The following TPPP variants were observed in gnomAD, a reference collection of about 807,000 sequenced individuals.
The protein encoded by TPPP is tubulin polymerization promoting protein, also known as tubulin polymerization-promoting protein.
Under a neutral mutation model 15.5 loss-of-function variants are expected in TPPP, and 6 were observed. The observed-to-expected ratio is 0.39, with a 90% CI of 0.21 to 0.77. TPPP has a LOEUF of 0.77. Ranked by LOEUF, TPPP falls within the 30% of genes least tolerant of loss-of-function variation. The pLI, the probability that TPPP is intolerant of heterozygous loss-of-function variation, is 0.42. For synonymous variants in TPPP, 146 were observed against 133.9 expected (o/e 1.09, Z -0.63); for missense variants, 269 against 307.2 (o/e 0.88, Z 0.93).
intron 2 of TPPP, among the ~76,000 whole-genome samples, chr5:669,129 G>A (rs1740086563): frequency 6.6e-6 from 1 of 152,224 alleles, no homozygotes; most frequent in South Asian, 2.1e-4. Flanking sequence ...GGAGGGGAGC[G>A]GAGGCCTCGC....
the TPPP span, among the ~76,000 whole-genome samples, chr5:699,919 G>A: frequency 6.6e-6 from 1 of 151,686 alleles, no homozygotes; most frequent in African/African-American, 2.4e-5. Flanking sequence ...AAGTCAGAAT[G>A]GCTATTATTA....
the TPPP span, among the ~76,000 whole-genome samples, chr5:699,971 G>C: frequency 3.3e-5 from 5 of 151,936 alleles, no homozygotes; most frequent in Admixed American, 3.3e-4. Flanking sequence ...GTGGAGAAAG[G>C]GGAATGCTGA....
intron 2 of TPPP, among the ~76,000 whole-genome samples, chr5:667,371 C>T (rs1739963675): frequency 6.6e-6 from 1 of 152,154 alleles, no homozygotes; most frequent in African/African-American, 2.4e-5. Flanking sequence ...GATCCCTGTG[C>T]AAATTAAAAT....
At chr5:696,533 C>T (rs1741014683), upstream of TPPP, among the ~76,000 whole-genome samples, 1 of 144,464 alleles carries the variant, frequency 6.9e-6, no homozygotes, top group African/African-American at 2.5e-5. Context: ...AGAACCCTAA[C>T]CAGCTCCTGT....
rs535475384 is a variant in TPPP at position 679,286 on chromosome 5, A to G, written c.-4-1222T>C. ...GGGCACTCCCTCCACTGAGGACCTT[A>G]AGGGCCTCAGGCCCCACCCACTCAC... On this transcript the variant is annotated intron_variant, in intron 1 of 3. Coordinates refer to ENST00000360578, the MANE Select transcript of TPPP (RefSeq NM_007030.3). Among the ~76,000 whole-genome samples, 4 of 152,224 alleles carry G rather than the reference A, an allele frequency of 2.6e-5. No homozygotes were observed. The East Asian group carries it at 5.8e-4, about 22-fold the overall frequency.
In TPPP at chr5:686,946, C is replaced by T. The variant is rs548577738; in HGVS notation, c.-5+6332G>A. 9.9e-4 allele frequency among the ~76,000 whole-genome samples: 141 copies of T among 142,852 alleles called. 14 individuals carry two copies. Among genetic ancestry groups the T allele is most frequent in the South Asian group, 1.7e-3 (7 of 4,238 alleles). 93.7% of individuals were successfully genotyped at this position (142,852 alleles called of 152,430 possible). A position where few individuals can be genotyped will look rare whatever the true frequency, so the allele number is the denominator to read the frequency against. ...CTTGGAAGCAGGGAAGGGCCCTTGTCGGACGCCAAGCCTGCAGGTGCCTTG... is the reference window on the plus strand; with the variant it reads ...CTTGGAAGCAGGGAAGGGCCCTTGTTGGACGCCAAGCCTGCAGGTGCCTTG... On this transcript the variant is annotated intron_variant, in intron 1 of 3. Coordinates refer to ENST00000360578, the MANE Select transcript of TPPP (RefSeq NM_007030.3).
At chr5:674,025 C>T (rs1356490556) in intron 2 of TPPP, among the ~76,000 whole-genome samples, 2 of 152,248 alleles carry the variant, frequency 1.3e-5, no homozygotes, top group South Asian at 2.1e-4. Flanking sequence ...TCACAGCCGG[C>T]ACTGCACTTG....
intron 1 of TPPP, among the ~76,000 whole-genome samples, chr5:686,023 G>T (rs1216686501): frequency 6.6e-6 from 1 of 152,234 alleles, no homozygotes; most frequent in Non-Finnish European, 1.5e-5. Flanking sequence ...CCCGGACTCT[G>T]CAAAGGACGC....
At chr5:698,946 T>G in the TPPP span, among the ~76,000 whole-genome samples, 1 of 151,940 alleles carries the variant, frequency 6.6e-6, no homozygotes, top group East Asian at 1.9e-4. Context: ...TACCTAGATA[T>G]ATATTTAACC....
At chr5:694,449 A>C (rs2126919472), upstream of TPPP, among the ~76,000 whole-genome samples, 1 of 125,036 alleles carries the variant, frequency 8.0e-6, no homozygotes, top group Middle Eastern at 4.4e-3. Context: ...GGTGTCCAGC[A>C]GGCCCTGGAA....
chr5:674,096 C>G (rs1740320499), intron 2 of TPPP, among the ~76,000 whole-genome samples: 1 of 152,264 alleles, frequency 6.6e-6, no homozygotes, highest in Non-Finnish European at 1.5e-5. Flanking sequence ...GCTGACGGCC[C>G]CTGGACAGGC....
rs1739630330 is a variant in TPPP at position 661,948 on chromosome 5, AGT to A, written c.*3152_*3153del. 1 of 152,328 alleles carries A rather than the reference AGT, an allele frequency of 6.6e-6. No homozygotes were observed. The highest frequency in any genetic ancestry group is 6.5e-5 in the Admixed American group (1 of 15,278). The allele number at this position is 152,328 out of a possible 1,614,324, so 9.4% of individuals were successfully genotyped here. ...CTAACTCGTGGGCACCAACCCTGGA[AGT>A]GTGGAGGGAGAGTGGGGGCGTGGGG... On this transcript the variant is annotated 3_prime_UTR_variant, in exon 4 of 4. Transcript: ENST00000360578.
At chr5:686,449 G>A (rs1162419364) in intron 1 of TPPP, among the ~76,000 whole-genome samples, 11 of 151,806 alleles carry the variant, frequency 7.2e-5, no homozygotes, top group African/African-American at 2.7e-4. Flanking sequence ...ATCCAGCGCA[G>A]CTTCACTGAG....
chr5:678,639 G>A (rs1455518663), intron 1 of TPPP, among the ~76,000 whole-genome samples: 2 of 138,528 alleles, frequency 1.4e-5, no homozygotes, highest in Non-Finnish European at 3.0e-5. Context: ...AGGGTGCGTG[G>A]TGGCCCTGGG....
chr5:696,507 C>A (rs1741014172), upstream of TPPP, among the ~76,000 whole-genome samples: 1 of 145,878 alleles, frequency 6.9e-6, no homozygotes, highest in Non-Finnish European at 1.5e-5. Flanking sequence ...AGCAGGTGAG[C>A]AGTCAGGGCC....
intron 1 of TPPP, among the ~76,000 whole-genome samples, chr5:687,164 A>C (rs1289610904): frequency 7.2e-6 from 1 of 139,698 alleles, no homozygotes; most frequent in South Asian, 2.3e-4. Flanking sequence ...CGTCCCACCA[A>C]GCCTCCAGAG....
intron 2 of TPPP, among the ~76,000 whole-genome samples, chr5:677,086 G>T (rs1460896317): frequency 6.6e-6 from 1 of 152,234 alleles, no homozygotes; most frequent in Non-Finnish European, 1.5e-5. Context: ...TGCACACGAC[G>T]CAGAAAAAGC....
At chr5:685,098 G>A (rs575293466) in intron 1 of TPPP, among the ~76,000 whole-genome samples, 1 of 152,284 alleles carries the variant, frequency 6.6e-6, no homozygotes, top group Non-Finnish European at 1.5e-5. Flanking sequence ...GAGGTCACTG[G>A]TCCTGAGAGG....
the TPPP span, among the ~76,000 whole-genome samples, chr5:699,323 A>G: frequency 1.3e-5 from 2 of 152,086 alleles, no homozygotes; most frequent in African/African-American, 2.4e-5. Context: ...GAGGACTCAG[A>G]AATAAAGACA....
Sources: gnomAD v4.1 joint callset for allele counts (sites outside exome capture counted in the v4.1 genomes callset) on GRCh38, gnomAD v4.1.1 for gene constraint, MANE v1.5 for transcripts, NCBI Gene and HGNC (gene_info 2026-07-23, HGNC 2026-07-21) for gene names.